MBOAT2: variants seen among roughly 807,000 people sequenced by gnomAD.
MBOAT2 encodes membrane-bound glycerophospholipid O-acyltransferase 2.
A neutral mutation model predicts 63.4 loss-of-function variants in MBOAT2; 28 were observed. The observed-to-expected ratio is 0.44, with a 90% CI of 0.33 to 0.61. The LOEUF is 0.61. MBOAT2 is among the 20% of genes least tolerant of loss of function. The probability of loss-of-function intolerance (pLI) is 0.03; values close to 1 mark genes in which losing one functional copy is unlikely to be tolerated. For synonymous variants in MBOAT2, 211 were observed against 215.6 expected (o/e 0.98, Z 0.19); for missense variants, 470 against 605.8 (o/e 0.78, Z 2.35).
chr2:8,981,203 A>G (rs548186331), intron 1 of MBOAT2, among the ~76,000 whole-genome samples: 3 of 152,264 alleles, frequency 2.0e-5, no homozygotes, highest in African/African-American at 7.2e-5. Flanking sequence ...AGTGACTGCT[A>G]ATGGTACAAG....
In MBOAT2 at chr2:8,950,628, C is replaced by T. The variant is rs542749835; in HGVS notation, c.222-7364G>A. On this transcript the variant is annotated intron_variant, in intron 2 of 12. Coordinates refer to ENST00000305997, the MANE Select transcript of MBOAT2 (RefSeq NM_138799.4). ...ATTTTTAGTAGAGACGGGGTTTCAC[C>T]GTGTTAGCCAGGATGGTCTCGATCT... Among the ~76,000 whole-genome samples the T allele has an allele frequency of 2.6e-5, 4 of 152,204 alleles. No individual in the cohort carries two copies. In the South Asian group the frequency reaches 8.3e-4, roughly 32 times the overall value.
chr2:8,987,864 G>A (rs965751885), intron 1 of MBOAT2, among the ~76,000 whole-genome samples: 1 of 152,136 alleles, frequency 6.6e-6, no homozygotes, highest in Non-Finnish European at 1.5e-5. Flanking sequence ...CTGGACTGAA[G>A]GGTAATGGGT....
intron 6 of MBOAT2, among the ~76,000 whole-genome samples, chr2:8,880,411 T>C (rs1467217249): frequency 6.6e-6 from 1 of 152,140 alleles, no homozygotes. Flanking sequence ...GAGGAACAGA[T>C]GCGGGAGGAG....
chr2:8,882,754 A>G (rs1247509155), intron 5 of MBOAT2, among the ~76,000 whole-genome samples, 189 bp from the exon 6 acceptor site: 1 of 152,216 alleles, frequency 6.6e-6, no homozygotes, highest in African/African-American at 2.4e-5. Flanking sequence ...CTATAAAATA[A>G]CACATGGTTG....
intron 1 of MBOAT2, among the ~76,000 whole-genome samples, chr2:8,961,591 A>T (rs16866862): frequency 7.5e-6 from 1 of 133,090 alleles, no homozygotes; most frequent in African/African-American, 2.7e-5. Flanking sequence ...ATCAGTAGGG[A>T]AAAAAAAAAA....
intron 1 of MBOAT2, among the ~76,000 whole-genome samples, chr2:8,962,424 C>T (rs961292654): frequency 2.1e-4 from 32 of 152,186 alleles, no homozygotes; most frequent in African/African-American, 7.5e-4. Flanking sequence ...TTCCTAGTCC[C>T]TTGTGGGGAC....
intron 3 of MBOAT2, among the ~76,000 whole-genome samples, chr2:8,912,355 A>AAGAAAGAAAGAAAG (rs1665810757): frequency 4.3e-5 from 4 of 93,922 alleles, no homozygotes; most frequent in Non-Finnish European, 6.5e-5. Context: ...AAGAAAGAGA[A>AAGAAAGAAAGAAAG]AGAAAGAAAG....
In MBOAT2 at chr2:8,854,260, G is replaced by C. The variant is rs931180016; in HGVS notation, c.*4419C>G. On this transcript the variant is annotated 3_prime_UTR_variant, in exon 13 of 13. Coordinates refer to ENST00000305997, the MANE Select transcript of MBOAT2 (RefSeq NM_138799.4). ...TTTTGCTTCAGCATTGGGAGCACGCGTTCATCAAGAAACCCACTTTTACAA... is the reference window on the plus strand; with the variant it reads ...TTTTGCTTCAGCATTGGGAGCACGCCTTCATCAAGAAACCCACTTTTACAA... The C allele has an allele frequency of 6.6e-6, 1 of 152,130 alleles. No homozygotes were observed. Among genetic ancestry groups the C allele is most frequent in the Non-Finnish European group, 1.5e-5 (1 of 68,022 alleles). The allele number at this position is 152,130 out of a possible 1,614,324, so 9.4% of individuals were successfully genotyped here.
At chr2:8,869,449 CT>C (rs1399555073) in intron 8 of MBOAT2, among the ~76,000 whole-genome samples, 1 of 152,156 alleles carries the variant, frequency 6.6e-6, no homozygotes, top group African/African-American at 2.4e-5. Context: ...CAAATAAGCC[CT>C]TTTCCAATCA....
At position 8,862,740 on chromosome 2, in the gene MBOAT2, C is replaced by T. The variant is rs1477802408; in HGVS notation, c.1053-18G>A. ...AACACACCCTAGAAACCATGAAAAA[C>T]ATGGAGAGCCAAGTGGAGTGAGTGA... On this transcript the variant is annotated intron_variant, in intron 10 of 12. Transcript: ENST00000305997. This position sits in a 1 kb window ranked among gnomAD's most constrained non-coding sequence, Gnocchi z 4.3. The T allele has an allele frequency of 1.2e-6, 2 of 1,601,964 alleles. No homozygotes were observed. Among genetic ancestry groups the T allele is most frequent in the South Asian group, 2.3e-5 (2 of 88,490 alleles).
At chr2:8,952,824 T>C (rs1390157420) in intron 2 of MBOAT2, among the ~76,000 whole-genome samples, 1 of 151,938 alleles carries the variant, frequency 6.6e-6, no homozygotes, top group Non-Finnish European at 1.5e-5. Flanking sequence ...ATTTGCATGG[T>C]AGATCTTTCT....
chr2:8,960,280 G>A (rs933686508), intron 1 of MBOAT2, among the ~76,000 whole-genome samples: 1 of 151,968 alleles, frequency 6.6e-6, no homozygotes, highest in South Asian at 2.1e-4. Context: ...TTTTCAGATA[G>A]CTCCTAATTT....
intron 3 of MBOAT2, among the ~76,000 whole-genome samples, chr2:8,940,878 G>A (rs534729233): frequency 6.6e-6 from 1 of 152,240 alleles, no homozygotes; most frequent in African/African-American, 2.4e-5. Flanking sequence ...ACTCTGGCTA[G>A]TCAAAGAAAT....
intron 2 of MBOAT2, among the ~76,000 whole-genome samples, chr2:8,951,862 T>C (rs1668861095): frequency 6.6e-6 from 1 of 152,206 alleles, no homozygotes; most frequent in Non-Finnish European, 1.5e-5. Flanking sequence ...TCTTTATCCT[T>C]TTAAAGAACA....
intron 1 of MBOAT2, among the ~76,000 whole-genome samples, chr2:8,968,138 C>A (rs1233242527): frequency 1.3e-5 from 2 of 151,838 alleles, no homozygotes; most frequent in African/African-American, 2.4e-5. Flanking sequence ...CCAGTAGGGG[C>A]AGACTGACAC....
At chr2:8,946,931 G>T (rs1439390995) in intron 2 of MBOAT2, among the ~76,000 whole-genome samples, 1 of 152,186 alleles carries the variant, frequency 6.6e-6, no homozygotes, top group Non-Finnish European at 1.5e-5. Context: ...AGGAAAAGTT[G>T]TATGTCTCTC....
chr2:8,946,439 C>T (rs1436890160), intron 2 of MBOAT2, among the ~76,000 whole-genome samples: 6 of 152,082 alleles, frequency 3.9e-5, no homozygotes, highest in African/African-American at 1.4e-4. Flanking sequence ...AAAGCTAAGA[C>T]CAAAGAGAAG....
chr2:8,871,146 C>T (rs1198256751), intron 8 of MBOAT2, among the ~76,000 whole-genome samples: 2 of 151,992 alleles, frequency 1.3e-5, no homozygotes, highest in African/African-American at 2.4e-5. Context: ...AGGTGTGCAA[C>T]ACCACACCTG....
chr2:8,944,153 G>A (rs1340385003), intron 2 of MBOAT2, among the ~76,000 whole-genome samples: 3 of 152,118 alleles, frequency 2.0e-5, no homozygotes, highest in East Asian at 1.9e-4. Flanking sequence ...ATGAGCCACC[G>A]TGGCCAGCCC....
Sources: allele counts gnomAD v4.1 joint callset (sites outside exome capture counted in the v4.1 genomes callset), GRCh38; gene constraint gnomAD v4.1.1; non-coding constraint Gnocchi (gnomAD v3.1); transcripts MANE v1.5; gene names NCBI Gene and HGNC (gene_info 2026-07-23, HGNC 2026-07-21).